Variants in UHRF2 observed in about 807,000 individuals in gnomAD.
UHRF2 encodes E3 ubiquitin-protein ligase UHRF2.
UHRF2 carries 23 observed loss-of-function variants against 96.8 expected under a neutral mutation model. The observed-to-expected ratio is 0.24, with a 90% CI of 0.17 to 0.34. The LOEUF is 0.34. UHRF2 is among the 10% of genes least tolerant of loss of function. The probability of loss-of-function intolerance (pLI) is 1.00; values close to 1 mark genes in which losing one functional copy is unlikely to be tolerated. For synonymous variants in UHRF2, 385 were observed against 332.6 expected, an observed-to-expected ratio of 1.16 and a Z score of -1.72; for missense variants, 685 against 981.5, an observed-to-expected ratio of 0.70 and a Z score of 4.04.
chr9:6,446,800 G>A (rs1000598510), intron 3 of UHRF2, among the ~76,000 whole-genome samples: 4 of 151,844 alleles, frequency 2.6e-5, no homozygotes, highest in Admixed American at 2.6e-4. Context: ...AGCTGAAATG[G>A]CGCCACTGCA....
chr9:6,431,319 T>A (rs555793699), intron 2 of UHRF2, among the ~76,000 whole-genome samples: 1 of 152,172 alleles, frequency 6.6e-6, no homozygotes, highest in African/African-American at 2.4e-5. Context: ...GGATAATCCT[T>A]TTTTTTGGCC....
At chr9:6,451,466 GT>G (rs34757017) in intron 3 of UHRF2, among the ~76,000 whole-genome samples, 128,200 of 141,832 alleles carry the variant, frequency 0.9, 58,180 homozygotes, top group Non-Finnish European at 0.96. Flanking sequence ...GTTTTTTTTT[GT>G]TTTTTTTTTT....
intron 3 of UHRF2, among the ~76,000 whole-genome samples, chr9:6,446,481 A>G (rs547852297): frequency 9.2e-5 from 14 of 151,974 alleles, no homozygotes; most frequent in Admixed American, 5.9e-4. Flanking sequence ...GGGTTTCGCC[A>G]TGTTGCCCAG....
intron 9 of UHRF2, among the ~76,000 whole-genome samples, chr9:6,493,572 A>G (rs927798534): frequency 1.3e-5 from 2 of 152,204 alleles, no homozygotes; most frequent in Admixed American, 1.3e-4. Context: ...ATTTTACTAC[A>G]TATATAGCAT....
Position 6,420,941 on chromosome 9 carries a change from T to C in UHRF2, c.183T>C (p.Tyr61=). Residue 61 remains tyrosine, a synonymous_variant, in exon 2 of 16, where the codon TAT becomes TAC. Coordinates refer to ENST00000276893, the MANE Select transcript of UHRF2 (RefSeq NM_152896.3). ...QLENGYTLFD[Y]DVGLNDIIQL... ...AAAATGGATATACCTTATTTGATTATGATGTTGGACTGAATGATATAATTC... is the reference window on the plus strand; with the variant it reads ...AAAATGGATATACCTTATTTGATTACGATGTTGGACTGAATGATATAATTC... 1 of 1,614,110 alleles carries C rather than the reference T, an allele frequency of 6.2e-7. No homozygotes were observed. Among genetic ancestry groups the C allele is most frequent in the South Asian group, 1.1e-5 (1 of 91,082 alleles).
intron 4 of UHRF2, among the ~76,000 whole-genome samples, chr9:6,466,306 G>C (rs535835094): frequency 1.3e-5 from 2 of 152,300 alleles, no homozygotes; most frequent in South Asian, 2.1e-4. Flanking sequence ...GGGAGGCTGA[G>C]GCGGACGGAT....
intron 5 of UHRF2, 73 bp from the exon 6 acceptor site, chr9:6,477,549 G>A: frequency 7.1e-7 from 1 of 1,399,974 alleles, no homozygotes; most frequent in Non-Finnish European, 9.6e-7. Context: ...GTTTCCATGG[G>A]CTTTTCTTTA....
chr9:6,487,181 C>CCTTTTTTTTTTTTTT (rs1824341838), intron 9 of UHRF2, among the ~76,000 whole-genome samples: 2 of 104,698 alleles, frequency 1.9e-5, no homozygotes, highest in African/African-American at 4.1e-5. Flanking sequence ...ATTTTTTTTT[C>CCTTTTTTTTTTTTTT]CTTTTTTTTT....
rs1457301882 is a variant in UHRF2, at chr9:6,500,666, A to G, written c.2120A>G (p.Gln707Arg). 3 of 1,613,812 alleles carry G rather than the reference A, an allele frequency of 1.9e-6. No homozygotes were observed. The highest frequency in any genetic ancestry group is 1.3e-5 in the African/African-American group (1 of 75,050). ...QHLIREDCQN[Q>R]KLWDEVLSHL... ...CTCATCAGAGAAGATTGTCAAAACC[A>G]GAAGCTGTGGGATGAAGTGCTTTCA... The change falls in exon 14 of 16, where the codon CAG (glutamine) becomes CGG (arginine). Residue 707 changes from glutamine (Q) to arginine (R), a missense_variant. Gln to Arg is a conservative substitution (Grantham distance 43). Around this residue, in one of 6 missense-constraint regions of UHRF2, gnomAD observed 71 missense variants for 114.1 expected, o/e 0.62. Transcript: ENST00000276893.
chr9:6,458,624 G>C (rs754462716), intron 3 of UHRF2, among the ~76,000 whole-genome samples: 1 of 152,056 alleles, frequency 6.6e-6, no homozygotes, highest in Non-Finnish European at 1.5e-5. Flanking sequence ...ACTGTTGGTG[G>C]GAGTGTAAAT....
intron 3 of UHRF2, among the ~76,000 whole-genome samples, chr9:6,442,410 A>G (rs1314034919): frequency 6.6e-6 from 1 of 152,116 alleles, no homozygotes; most frequent in African/African-American, 2.4e-5. Flanking sequence ...TCAATCCATA[A>G]ATTTTCAATC....
intron 5 of UHRF2, among the ~76,000 whole-genome samples, chr9:6,476,731 A>G (rs1823596115): frequency 6.6e-6 from 1 of 151,858 alleles, no homozygotes; most frequent in Non-Finnish European, 1.5e-5. Context: ...AGTAGCTTGG[A>G]TTACAGGCAC....
intron 4 of UHRF2, among the ~76,000 whole-genome samples, chr9:6,461,759 T>G (rs1224847101): frequency 6.6e-6 from 1 of 152,136 alleles, no homozygotes; most frequent in African/African-American, 2.4e-5. Context: ...TTTTTACACT[T>G]TGGAAAACAT....
chr9:6,428,447 TTAA>T (rs1286296522), intron 2 of UHRF2, among the ~76,000 whole-genome samples: 1 of 151,502 alleles, frequency 6.6e-6, no homozygotes. Context: ...TAACAACCTA[TTAA>T]TAATCTTTAA....
At chr9:6,453,009 A>G (rs1207964559) in intron 3 of UHRF2, among the ~76,000 whole-genome samples, 3 of 152,078 alleles carry the variant, frequency 2.0e-5, no homozygotes, top group African/African-American at 7.2e-5. Context: ...CCCCCTAGCA[A>G]TTGACTTACT....
At chr9:6,465,416 A>G (rs1822800639) in intron 4 of UHRF2, among the ~76,000 whole-genome samples, 2 of 152,180 alleles carry the variant, frequency 1.3e-5, no homozygotes, top group South Asian at 4.1e-4. Flanking sequence ...CTTCTCAATA[A>G]AGTCATCTGG....
rs200792089 is a variant in UHRF2, at chr9:6,491,538, ATGTT to A, written c.1498-2284_1498-2281del. Among the ~76,000 whole-genome samples the A allele has an allele frequency of 3.4e-4, 52 of 152,270 alleles. No individual in the cohort carries two copies. The East Asian group carries it at 9.8e-3, about 29-fold the overall frequency. ...TTAAGTCATTAAAGGAGTTTGGAGA[ATGTT>A]TGTCTTCATTGTGCTTTGGAATTAT... On this transcript the variant is annotated intron_variant, in intron 9 of 15. Coordinates refer to ENST00000276893, the MANE Select transcript of UHRF2 (RefSeq NM_152896.3).
intron 2 of UHRF2, among the ~76,000 whole-genome samples, chr9:6,423,461 A>T (rs1820052733): frequency 6.6e-6 from 1 of 152,330 alleles, no homozygotes; most frequent in Middle Eastern, 3.4e-3. Context: ...CTTTTAAAAA[A>T]TTATGGCTGC....
At chr9:6,476,249 T>C (rs528336635) in intron 5 of UHRF2, among the ~76,000 whole-genome samples, 1 of 152,356 alleles carries the variant, frequency 6.6e-6, no homozygotes, top group South Asian at 2.1e-4. Context: ...TTATTGTATA[T>C]GTATATACCA....
Sources: gnomAD v4.1 joint callset for allele counts (sites outside exome capture counted in the v4.1 genomes callset) on GRCh38, gnomAD v4.1.1 for gene constraint, gnomAD v4.1.1 regional missense constraint, MANE v1.5 for transcripts, NCBI Gene and HGNC (gene_info 2026-07-23, HGNC 2026-07-21) for gene names.